The following NR3C1 variants were observed in gnomAD, a reference collection of about 807,000 sequenced individuals.
NR3C1 encodes glucocorticoid receptor.
In NR3C1, 14 loss-of-function variants were observed where a neutral mutation model predicts 74.0. The ratio of observed to expected loss-of-function variants is 0.19; its 90% CI spans 0.12 to 0.30. NR3C1 has a LOEUF of 0.30. NR3C1 is among the 10% of genes least tolerant of loss of function. The pLI, the probability that NR3C1 is intolerant of heterozygous loss-of-function variation, is 1.00. For missense variants in NR3C1, 695 were observed against 909.8 expected, an observed-to-expected ratio of 0.76 and a Z score of 3.04; for synonymous variants, 308 against 332.5, an observed-to-expected ratio of 0.93 and a Z score of 0.80.
intron 4 of NR3C1, among the ~76,000 whole-genome samples, chr5:143,301,276 C>T (rs1818434890): frequency 6.6e-6 from 1 of 152,062 alleles, no homozygotes; most frequent in African/African-American, 2.4e-5. Context: ...TTCAAAGCCA[C>T]TTATAAAGAT....
In NR3C1 at chr5:143,300,153, G is replaced by C. The variant is rs1309350088; in HGVS notation, c.1747+332C>G. On this transcript the variant is annotated intron_variant, in intron 5 of 8. Transcript: ENST00000394464. The surrounding 1 kb of genome is among the most constrained non-coding windows in gnomAD (Gnocchi z 5.2). ...GATTTTTAAAAGTGGCACAATGAAG[G>C]AAAACAAATGGAATTAACTAAAAAC... 1.3e-5 allele frequency among the ~76,000 whole-genome samples: 2 copies of C among 152,154 alleles called. No individual in the cohort carries two copies. The highest frequency in any genetic ancestry group is 2.9e-5 in the Non-Finnish European group (2 of 68,022).
In NR3C1 at chr5:143,279,699, G is replaced by A. The variant is rs1044926597; in HGVS notation, c.*2190C>T. ...ATTTGGAAATAAACTCTTGTTGTAG[G>A]ATAGAAAGGAATTAGTGTATTATTG... On this transcript the variant is annotated 3_prime_UTR_variant, in exon 9 of 9. Transcript: ENST00000394464. The A allele has an allele frequency of 1.3e-5, 4 of 301,878 alleles. No individual in the cohort carries two copies. The highest frequency in any genetic ancestry group is 1.2e-4 in the South Asian group (2 of 16,364). The allele number at this position is 301,878 out of a possible 1,614,324, so 18.7% of individuals were successfully genotyped here. A position where few individuals can be genotyped will look rare whatever the true frequency, so the allele number is the denominator to read the frequency against.
At chr5:143,406,373 T>A (rs1343835810), upstream of NR3C1, among the ~76,000 whole-genome samples, 3 of 151,638 alleles carry the variant, frequency 2.0e-5, no homozygotes, top group Non-Finnish European at 2.9e-5. Flanking sequence ...GAATACGTAG[T>A]TTTAAATATG....
chr5:143,325,865 A>G (rs1378588061), intron 2 of NR3C1, among the ~76,000 whole-genome samples: 1 of 152,210 alleles, frequency 6.6e-6, no homozygotes, highest in Non-Finnish European at 1.5e-5. Context: ...GGAAAGAAAT[A>G]GTTTTTAAAA....
At chr5:143,368,564 CACA>C (rs1833690317) in intron 2 of NR3C1, among the ~76,000 whole-genome samples, 1 of 151,330 alleles carries the variant, frequency 6.6e-6, no homozygotes, top group African/African-American at 2.4e-5. Context: ...CACACACACA[CACA>C]CCGACAACTC....
At chr5:143,435,463 G>A in exon 1 of NR3C1, 1 of 985,500 alleles carries the variant, frequency 1.0e-6, no homozygotes, top group Non-Finnish European at 1.2e-6. Flanking sequence ...AGCAAGAGAA[G>A]AGGAAGAGGT....
chr5:143,319,453 A>G (rs1822873578), intron 2 of NR3C1, among the ~76,000 whole-genome samples: 1 of 152,226 alleles, frequency 6.6e-6, no homozygotes, highest in South Asian at 2.1e-4. Context: ...GTTAATATGG[A>G]AAAAAATTCC....
intron 2 of NR3C1, among the ~76,000 whole-genome samples, chr5:143,339,029 T>C (rs2151735666): frequency 6.6e-6 from 1 of 152,320 alleles, no homozygotes; most frequent in Admixed American, 6.5e-5. Context: ...TAACATGCTG[T>C]AAGTTTGTGG....
intron 2 of NR3C1, among the ~76,000 whole-genome samples, chr5:143,315,375 T>C (rs902818876): frequency 6.6e-6 from 1 of 152,154 alleles, no homozygotes; most frequent in Non-Finnish European, 1.5e-5. Flanking sequence ...CATTCCATTT[T>C]TGGTTGTGTT....
rs141579915 is a variant in NR3C1, at chr5:143,384,156, A to G, written c.1184+15500T>C. On this transcript the variant is annotated intron_variant, in intron 2 of 8. Coordinates refer to ENST00000394464, the MANE Select transcript of NR3C1 (RefSeq NM_000176.3). The stretch of plus-strand genomic sequence containing the variant: ...GAAGGGGGAAGTGCCACACACTTTC[A>G]AACAACCAGGTCTCATGAGAACTCA... Among the ~76,000 whole-genome samples, 114 of 152,304 alleles carry G rather than the reference A, an allele frequency of 7.5e-4. 3 individuals are homozygous for G. The East Asian group carries it at 0.02, about 27-fold the overall frequency.
At chr5:143,363,725 G>A (rs993772719) in intron 2 of NR3C1, among the ~76,000 whole-genome samples, 2 of 152,076 alleles carry the variant, frequency 1.3e-5, no homozygotes, top group Non-Finnish European at 2.9e-5. Context: ...GAACCAAAGA[G>A]AAATTTTGAA....
chr5:143,428,713 C>T (rs2151963072), intron 1 of NR3C1, among the ~76,000 whole-genome samples: 1 of 152,294 alleles, frequency 6.6e-6, no homozygotes, highest in Admixed American at 6.5e-5. Context: ...TTTAACTGTA[C>T]AGGACTTGGG....
intron 2 of NR3C1, among the ~76,000 whole-genome samples, chr5:143,392,730 CATT>C (rs1224139000): frequency 6.6e-6 from 1 of 151,880 alleles, no homozygotes; most frequent in Admixed American, 6.6e-5. Flanking sequence ...GGTGCTTAAT[CATT>C]ATTAGGTAAA....
intron 2 of NR3C1, among the ~76,000 whole-genome samples, chr5:143,388,839 T>C (rs182432403): frequency 2.0e-5 from 3 of 152,340 alleles, no homozygotes; most frequent in Admixed American, 6.5e-5. Context: ...ACTGAGGTTA[T>C]GGTGAAAGTC....
intron 2 of NR3C1, among the ~76,000 whole-genome samples, chr5:143,326,431 T>C (rs1200277190): frequency 6.6e-6 from 1 of 152,256 alleles, no homozygotes; most frequent in Non-Finnish European, 1.5e-5. Context: ...TTTCTTTAGA[T>C]ACTTACTATA....
At chr5:143,429,527 A>G (rs1751704748) in intron 1 of NR3C1, among the ~76,000 whole-genome samples, 1 of 152,216 alleles carries the variant, frequency 6.6e-6, no homozygotes, top group African/African-American at 2.4e-5. Context: ...CCCGCTCACA[A>G]ACAAAATCTA....
rs1007739998 is a variant in NR3C1 at position 143,295,215 on chromosome 5, C to G, written c.2023+245G>C. The G allele has an allele frequency of 3.0e-6, 3 of 985,260 alleles. No individual in the cohort carries two copies. The African/African-American group carries it at 5.2e-5, about 17-fold the overall frequency. 61.0% of individuals were successfully genotyped at this position (985,260 alleles called of 1,614,324 possible). On this transcript the variant is annotated intron_variant, in intron 7 of 8. Coordinates refer to ENST00000394464, the MANE Select transcript of NR3C1 (RefSeq NM_000176.3). ...AAGGAGAAAAAAGTCTACACAGATT[C>G]TTATCAACAGAGATCCCTATGCAGC...
intron 1 of NR3C1, among the ~76,000 whole-genome samples, chr5:143,417,196 T>C (rs945156988): frequency 6.6e-6 from 1 of 152,214 alleles, no homozygotes; most frequent in Non-Finnish European, 1.5e-5. Flanking sequence ...TTTTAATATC[T>C]TCTTAGCATT....
At chr5:143,404,548 G>A (rs1187346791), upstream of NR3C1, 1 of 960,994 alleles carries the variant, frequency 1.0e-6, no homozygotes, top group African/African-American at 1.8e-5. Flanking sequence ...AGTCTGCGAG[G>A]CGGCGGCGGC....
Sources: gnomAD v4.1 joint callset for allele counts (sites outside exome capture counted in the v4.1 genomes callset) on GRCh38, gnomAD v4.1.1 for gene constraint, Gnocchi (gnomAD v3.1) non-coding constraint, MANE v1.5 for transcripts, NCBI Gene and HGNC (gene_info 2026-07-23, HGNC 2026-07-21) for gene names.